Variants in MACROD2 observed in about 807,000 individuals in gnomAD.
MACROD2 encodes mono-ADP ribosylhydrolase 2.
Under a neutral mutation model 70.4 loss-of-function variants are expected in MACROD2, and 36 were observed. The observed-to-expected ratio is 0.51, with a 90% CI of 0.39 to 0.68. The LOEUF (loss-of-function observed/expected upper bound fraction) is 0.68. Among genes scored for constraint, MACROD2 ranks in the 30% least tolerant of loss-of-function variants. The probability of loss-of-function intolerance (pLI) is 0.00; values close to 1 mark genes in which losing one functional copy is unlikely to be tolerated. For missense variants in MACROD2, 496 were observed against 538.4 expected (o/e 0.92, Z 0.78); for synonymous variants, 172 against 178.8 (o/e 0.96, Z 0.30).
Position 15,603,571 on chromosome 20 carries a change from G to T in MACROD2, c.645+103724G>T, listed in dbSNP as rs574948993. 1.9e-3 allele frequency among the ~76,000 whole-genome samples: 293 copies of T among 151,908 alleles called. 1 individual carries two copies. Among genetic ancestry groups the T allele is most frequent in the African/African-American group, 5.9e-3 (243 of 41,428 alleles). ...TCTATTCATAGATAAATTGCAATCT[G>T]GATGGAGGAAAGAGGAGGGAATGAA... On this transcript the variant is annotated intron_variant, in intron 8 of 17. Transcript: ENST00000684519.
intron 5 of MACROD2, among the ~76,000 whole-genome samples, chr20:14,934,393 G>A (rs931346871): frequency 2.6e-5 from 4 of 152,176 alleles, no homozygotes; most frequent in African/African-American, 9.7e-5. Flanking sequence ...CAGCTATGAA[G>A]CTGTAATCCT....
At chr20:14,197,577 G>A (rs1490490703) in intron 3 of MACROD2, among the ~76,000 whole-genome samples, 1 of 152,052 alleles carries the variant, frequency 6.6e-6, no homozygotes, top group Non-Finnish European at 1.5e-5. Flanking sequence ...AGACCAGCCT[G>A]GCCAACATGG....
intron 8 of MACROD2, among the ~76,000 whole-genome samples, chr20:15,678,984 C>T (rs986670330): frequency 6.6e-6 from 1 of 152,106 alleles, no homozygotes; most frequent in Non-Finnish European, 1.5e-5. Flanking sequence ...CGCCTGTAAT[C>T]CCAGCACTTT....
chr20:14,828,668 C>T (rs1348147465), intron 5 of MACROD2, among the ~76,000 whole-genome samples: 1 of 151,902 alleles, frequency 6.6e-6, no homozygotes, highest in East Asian at 1.9e-4. Context: ...TGAACCTGAT[C>T]TAGGATGGAG....
intron 7 of MACROD2, among the ~76,000 whole-genome samples, chr20:15,488,634 A>C (rs557732305): frequency 2.3e-4 from 35 of 152,230 alleles, no homozygotes; most frequent in Non-Finnish European, 4.3e-4. Context: ...ATGTTTGGAA[A>C]GATCACTAGC....
intron 8 of MACROD2, among the ~76,000 whole-genome samples, chr20:15,633,737 ATTAAG>A (rs532255905): frequency 1.5e-3 from 234 of 152,324 alleles, no homozygotes; most frequent in African/African-American, 5.2e-3. Context: ...TATTACCATA[ATTAAG>A]TTAATAGTAT....
intron 8 of MACROD2, among the ~76,000 whole-genome samples, chr20:15,762,470 C>T (rs188273631): frequency 2.0e-5 from 3 of 152,278 alleles, no homozygotes; most frequent in East Asian, 3.9e-4. Context: ...CCTCCCTGTT[C>T]CTACACCCTT....
intron 3 of MACROD2, among the ~76,000 whole-genome samples, chr20:14,198,064 A>G (rs935515912): frequency 1.3e-5 from 2 of 152,006 alleles, no homozygotes; most frequent in Non-Finnish European, 2.9e-5. Flanking sequence ...ATTTGGGGCC[A>G]TAAGTCCAAC....
intron 2 of MACROD2, among the ~76,000 whole-genome samples, chr20:14,037,943 G>GGA (rs2053338630): frequency 6.6e-6 from 1 of 152,034 alleles, no homozygotes; most frequent in African/African-American, 2.4e-5. Flanking sequence ...GCCAGAAGCG[G>GGA]GAGGCAGCAG....
chr20:14,106,640 G>C (rs2054372949), intron 3 of MACROD2, among the ~76,000 whole-genome samples: 1 of 152,198 alleles, frequency 6.6e-6, no homozygotes, highest in Non-Finnish European at 1.5e-5. Flanking sequence ...TGTTGTGCTG[G>C]CTTCAGGTCT....
intron 3 of MACROD2, among the ~76,000 whole-genome samples, chr20:14,428,104 A>G (rs1348636242): frequency 2.6e-5 from 4 of 152,172 alleles, no homozygotes; most frequent in African/African-American, 9.6e-5. Context: ...AATTTAGCAG[A>G]AAATATTAAA....
chr20:15,905,218 A>G (rs2065129132), intron 10 of MACROD2, among the ~76,000 whole-genome samples: 1 of 152,156 alleles, frequency 6.6e-6, no homozygotes, highest in South Asian at 2.1e-4. Context: ...GAGAACATCT[A>G]GGGCAACACT....
At chr20:15,731,467 T>C (rs150527014) in intron 8 of MACROD2, among the ~76,000 whole-genome samples, 1,366 of 58,058 alleles carry the variant, frequency 0.024, 607 homozygotes, top group Middle Eastern at 0.12. Context: ...AGCTCAGCAT[T>C]CCTGGTCTGA....
chr20:15,535,366 T>A (rs947416826), intron 8 of MACROD2, among the ~76,000 whole-genome samples: 2 of 152,148 alleles, frequency 1.3e-5, no homozygotes, highest in Admixed American at 6.6e-5. Context: ...ATGTGGTCCC[T>A]AGACCAATAG....
At chr20:14,772,118 C>G (rs144172610) in intron 5 of MACROD2, among the ~76,000 whole-genome samples, 2 of 152,160 alleles carry the variant, frequency 1.3e-5, no homozygotes, top group African/African-American at 4.8e-5. Context: ...AATCTTTAGA[C>G]TGTTAAAAAT....
chr20:14,168,205 A>G (rs2081188059), intron 3 of MACROD2, among the ~76,000 whole-genome samples: 1 of 152,210 alleles, frequency 6.6e-6, no homozygotes, highest in East Asian at 1.9e-4. Context: ...TGAGTAAGTG[A>G]CCTACAAACA....
At chr20:15,788,088 T>C (rs1054225326) in intron 8 of MACROD2, among the ~76,000 whole-genome samples, 17 of 152,122 alleles carry the variant, frequency 1.1e-4, no homozygotes, top group African/African-American at 3.4e-4. Context: ...TGAGCACGAG[T>C]AGTTAGTTGC....
intron 6 of MACROD2, among the ~76,000 whole-genome samples, chr20:15,388,072 A>T (rs2045743765): frequency 6.6e-6 from 1 of 152,116 alleles, no homozygotes; most frequent in Non-Finnish European, 1.5e-5. Context: ...CCCCCAACCT[A>T]GGGTGATCTG....
At chr20:15,099,449 ACTGT>A (rs1330372852) in intron 5 of MACROD2, among the ~76,000 whole-genome samples, 2 of 152,180 alleles carry the variant, frequency 1.3e-5, no homozygotes, top group Non-Finnish European at 2.9e-5. Flanking sequence ...TGAGAAGCTG[ACTGT>A]CTATAAGTCA....
Sources: allele counts gnomAD v4.1 joint callset (sites outside exome capture counted in the v4.1 genomes callset), GRCh38; gene constraint gnomAD v4.1.1; transcripts MANE v1.5; gene names NCBI Gene and HGNC (gene_info 2026-07-23, HGNC 2026-07-21).